The following VAT1L variants were observed in gnomAD, a reference collection of about 807,000 sequenced individuals.
VAT1L encodes the protein putative NADPH-dependent quinone oxidoreductase VAT1L.
A neutral mutation model predicts 44.1 loss-of-function variants in VAT1L; 34 were observed. That is an observed-to-expected ratio of 0.77 (90% CI 0.59 to 1.03). The LOEUF (loss-of-function observed/expected upper bound fraction) is 1.03, where lower values mean the gene tolerates loss of function less well. VAT1L is among the 50% of genes least tolerant of loss of function. VAT1L has a pLI of 0.00. For missense variants in VAT1L, 615 were observed against 538.8 expected, an observed-to-expected ratio of 1.14 and a Z score of -1.40; for synonymous variants, 253 against 202.2, an observed-to-expected ratio of 1.25 and a Z score of -2.13.
At chr16:77,836,827 C>T (rs1221013684) in intron 3 of VAT1L, among the ~76,000 whole-genome samples, 3 of 152,092 alleles carry the variant, frequency 2.0e-5, no homozygotes, top group African/African-American at 2.4e-5. Context: ...TTATAAATAT[C>T]GTATAGGTGA....
At chr16:77,831,226 AC>A (rs1303604461) in intron 3 of VAT1L, among the ~76,000 whole-genome samples, 1 of 152,194 alleles carries the variant, frequency 6.6e-6, no homozygotes, top group African/African-American at 2.4e-5. Flanking sequence ...GAAAATGGTA[AC>A]ATTTACCTCA....
chr16:77,849,072 G>C (rs1374743793), intron 3 of VAT1L, among the ~76,000 whole-genome samples: 1 of 152,144 alleles, frequency 6.6e-6, no homozygotes, highest in East Asian at 1.9e-4. Context: ...GATAGCATTA[G>C]GAGAAATACC....
At chr16:77,863,719 T>A (rs1193809138) in intron 4 of VAT1L, among the ~76,000 whole-genome samples, 5 of 152,126 alleles carry the variant, frequency 3.3e-5, no homozygotes, top group Non-Finnish European at 7.3e-5. Flanking sequence ...AGTCCAGGGA[T>A]GTCTTGTTAT....
At chr16:77,907,953 C>G (rs1017614335) in intron 7 of VAT1L, among the ~76,000 whole-genome samples, 1 of 152,128 alleles carries the variant, frequency 6.6e-6, no homozygotes, top group Non-Finnish European at 1.5e-5. Context: ...GAAAAGCCAT[C>G]AAAAGGGCTG....
At chr16:77,815,096 T>C (rs1427192803) in intron 1 of VAT1L, among the ~76,000 whole-genome samples, 1 of 152,172 alleles carries the variant, frequency 6.6e-6, no homozygotes, top group African/African-American at 2.4e-5. Flanking sequence ...AGTGGTAGAA[T>C]TGGGATTTGT....
chr16:77,858,819 T>A (rs1330033679), intron 3 of VAT1L, among the ~76,000 whole-genome samples: 2 of 151,980 alleles, frequency 1.3e-5, no homozygotes, highest in East Asian at 3.9e-4. Flanking sequence ...GGTAACATAG[T>A]GAGACCCCAT....
At position 77,977,829 on chromosome 16, in the gene VAT1L, A is replaced by C; in HGVS notation, c.*134A>C. On this transcript the variant is annotated 3_prime_UTR_variant, in exon 9 of 9. Coordinates refer to ENST00000302536, the MANE Select transcript of VAT1L (RefSeq NM_020927.3). ...TGTTTGTCTGCAGTCAGCTGAGCTA[A>C]AAAGCTGTTGATCACTGTTGTTTTT... is the stretch of plus-strand genomic sequence containing the variant. 1.2e-6 allele frequency: 1 copy of C among 857,086 alleles called. No homozygotes were observed. Among genetic ancestry groups the C allele is most frequent in the Non-Finnish European group, 1.8e-6 (1 of 544,010 alleles). 53.1% of individuals were successfully genotyped at this position (857,086 alleles called of 1,614,324 possible). A position where few individuals can be genotyped will look rare whatever the true frequency, so the allele number is the denominator to read the frequency against.
intron 1 of VAT1L, among the ~76,000 whole-genome samples, chr16:77,803,017 T>A (rs1201205524): frequency 6.6e-6 from 1 of 152,198 alleles, no homozygotes; most frequent in Non-Finnish European, 1.5e-5. Context: ...AAATCATTCC[T>A]AGGTATTTTC....
intron 3 of VAT1L, among the ~76,000 whole-genome samples, chr16:77,853,790 A>G (rs1330904490): frequency 1.1e-4 from 17 of 152,144 alleles, no homozygotes; most frequent in Admixed American, 1.1e-3. Context: ...AAGAGAAAAA[A>G]ATAAGACACT....
At chr16:77,805,387 A>G (rs1476773082) in intron 1 of VAT1L, among the ~76,000 whole-genome samples, 1 of 152,220 alleles carries the variant, frequency 6.6e-6, no homozygotes, top group Non-Finnish European at 1.5e-5. Context: ...AGCATTTTCA[A>G]GTTTTCAGTT....
At chr16:77,799,541 GTGTGTGTGTGTGT>G (rs2016006507) in intron 1 of VAT1L, among the ~76,000 whole-genome samples, 1 of 93,394 alleles carries the variant, frequency 1.1e-5, no homozygotes, top group Non-Finnish European at 2.7e-5. Flanking sequence ...GTGTGTGTGT[GTGTGTGTGTGTGT>G]GTGGTGTGTA....
intron 3 of VAT1L, among the ~76,000 whole-genome samples, chr16:77,849,775 G>A (rs1303826254): frequency 1.3e-5 from 2 of 152,182 alleles, no homozygotes; most frequent in Admixed American, 6.5e-5. Context: ...AACGTACTCT[G>A]ATCCAGAAGC....
chr16:77,877,153 C>T (rs1222804636), intron 5 of VAT1L, among the ~76,000 whole-genome samples: 1 of 152,130 alleles, frequency 6.6e-6, no homozygotes, highest in African/African-American at 2.4e-5. Flanking sequence ...AATGAGGCTC[C>T]AGGGCCTCCT....
At chr16:77,950,909 A>T (rs1482026804) in intron 7 of VAT1L, among the ~76,000 whole-genome samples, 1 of 152,016 alleles carries the variant, frequency 6.6e-6, no homozygotes, top group Non-Finnish European at 1.5e-5. Context: ...TTATAAAATT[A>T]TGGCAGCTAA....
chr16:77,893,270 G>A (rs75560282), intron 7 of VAT1L, among the ~76,000 whole-genome samples: 1 of 152,162 alleles, frequency 6.6e-6, no homozygotes, highest in African/African-American at 2.4e-5. Context: ...CAACCAAAGT[G>A]GGGGTGTGGG....
chr16:77,946,279 CTTTTTTTTTT>C (rs66461822), intron 7 of VAT1L, among the ~76,000 whole-genome samples: 11 of 70,428 alleles, frequency 1.6e-4, no homozygotes, highest in Non-Finnish European at 2.5e-4. Context: ...GTTACTTGTT[CTTTTTTTTTT>C]TTTTTTTTTT....
intron 3 of VAT1L, among the ~76,000 whole-genome samples, chr16:77,849,734 C>T (rs2016790300): frequency 6.6e-6 from 1 of 152,166 alleles, no homozygotes; most frequent in Non-Finnish European, 1.5e-5. Flanking sequence ...CTGGCCACTG[C>T]ATTCCAGTTC....
intron 7 of VAT1L, among the ~76,000 whole-genome samples, chr16:77,888,202 T>TA: frequency 6.6e-6 from 1 of 152,338 alleles, no homozygotes; most frequent in Non-Finnish European, 1.5e-5. Flanking sequence ...TGTCTCCCTT[T>TA]ACTCCATTTG....
chr16:77,963,446 C>G (rs1335630087), intron 7 of VAT1L, among the ~76,000 whole-genome samples: 1 of 152,056 alleles, frequency 6.6e-6, no homozygotes, highest in Non-Finnish European at 1.5e-5. Flanking sequence ...GAAACAAATG[C>G]AGGAAGGAAT....
Sources: allele counts gnomAD v4.1 joint callset (sites outside exome capture counted in the v4.1 genomes callset), GRCh38; gene constraint gnomAD v4.1.1; transcripts MANE v1.5; gene names NCBI Gene and HGNC (gene_info 2026-07-23, HGNC 2026-07-21).